Variants in FER1L5 observed in about 807,000 individuals in gnomAD.
The protein encoded by FER1L5 is fer-1 like family member 5, also known as fer-1-like protein 5.
In FER1L5, 187 loss-of-function variants were observed where a neutral mutation model predicts 279.9. The ratio of observed to expected loss-of-function variants is 0.67; its 90% confidence interval spans 0.59 to 0.75. The LOEUF (loss-of-function observed/expected upper bound fraction) is 0.75. Among genes scored for constraint, FER1L5 ranks in the 30% least tolerant of loss-of-function variants. The pLI is 0.00. For missense variants in FER1L5, 2,091 were observed against 2,594.4 expected, an observed-to-expected ratio of 0.81 and a Z score of 4.21; for synonymous variants, 921 against 989.7, an observed-to-expected ratio of 0.93 and a Z score of 1.30.
chr2:96,657,222 G>A (rs968255204), intron 9 of FER1L5, among the ~76,000 whole-genome samples: 10 of 151,662 alleles, frequency 6.6e-5, no homozygotes, highest in Non-Finnish European at 1.0e-4. Context: ...CCACAGGCAC[G>A]TGCCACCATG....
In FER1L5 at chr2:96,695,539, A is replaced by G. The variant is rs61743964; in HGVS notation, c.3772A>G (p.Lys1258Glu). 7 of 1,593,782 alleles carry G rather than the reference A, an allele frequency of 4.4e-6. No homozygotes were observed. The African/African-American group carries it at 5.4e-5, about 12-fold the overall frequency. The change falls in exon 35 of 53, where the codon AAG becomes GAG. Residue 1258 changes from lysine to glutamate, a missense_variant. By Grantham distance (56) the Lys-to-Glu change is moderately conservative (BLOSUM62 1). Transcript: ENST00000624922. ...ILAWGLRNMK[K>E]ASSPQLLVEF... ...GGCCTGGGGCCTTCGGAACATGAAG[A>G]AGGCGAGCTCCCCCCAGCTCCTGGT...
Position 96,698,639 on chromosome 2 carries a change from A to T in FER1L5, c.4357-32A>T. The T allele has an allele frequency of 6.4e-7, 1 of 1,553,300 alleles. No individual in the cohort carries two copies. Among genetic ancestry groups the T allele is most frequent in the Non-Finnish European group, 8.7e-7 (1 of 1,143,962 alleles). On this transcript the variant is annotated intron_variant, in intron 40 of 52. Transcript: ENST00000624922. The surrounding 1 kb of genome is among the most constrained non-coding windows in gnomAD (Gnocchi z 5.5). Reference sequence around the variant, plus strand: ...CTTTACAGAGCTGGCCAGCACTGCCAGGCTGGGCCCCCAACACCCTCCCCC... The same window carrying T: ...CTTTACAGAGCTGGCCAGCACTGCCTGGCTGGGCCCCCAACACCCTCCCCC...
At chr2:96,684,865 G>A (rs899047077) in intron 20 of FER1L5, among the ~76,000 whole-genome samples, 1 of 152,176 alleles carries the variant, frequency 6.6e-6, no homozygotes, top group African/African-American at 2.4e-5. Context: ...GGGGGTAGAA[G>A]GGAATAACCT....
rs1361763731 is a variant in FER1L5 at position 96,691,165 on chromosome 2, A to G, written c.2744-25A>G. ...CCAACCTGCGGGCACCTGAGGACTC[A>G]GAGGCCATGGTCCACCCACCGCAGG... is the stretch of plus-strand genomic sequence containing the variant. On this transcript the variant is annotated intron_variant, in intron 27 of 52. Transcript: ENST00000624922. This position sits in a 1 kb window ranked among gnomAD's most constrained non-coding sequence, Gnocchi z 6.0. The G allele has an allele frequency of 6.5e-7, 1 of 1,532,992 alleles. No homozygotes were observed. The highest frequency in any genetic ancestry group is 1.2e-5 in the South Asian group (1 of 82,320). The allele number at this position is 1,532,992 out of a possible 1,614,324, so 95.0% of individuals were successfully genotyped here. A position where few individuals can be genotyped will look rare whatever the true frequency, so the allele number is the denominator to read the frequency against.
Position 96,689,036 on chromosome 2 carries a change from G to T in FER1L5, c.2362-177G>T, listed in dbSNP as rs907062475. 6.0e-6 allele frequency: 4 copies of T among 669,796 alleles called. No homozygotes were observed. The African/African-American group carries it at 7.4e-5, about 12-fold the overall frequency. 41.5% of individuals were successfully genotyped at this position (669,796 alleles called of 1,614,324 possible). ...TGCCAGCTGAATGATCCAGGGCAGG[G>T]TTGACCTCTGGGCCTCAGTGCCCTC... On this transcript the variant is annotated intron_variant, in intron 24 of 52. Coordinates refer to ENST00000624922, the MANE Select transcript of FER1L5 (RefSeq NM_001293083.2). The surrounding 1 kb of genome is among the most constrained non-coding windows in gnomAD (Gnocchi z 4.6).
At chr2:96,651,220 ACTTT>A (rs749497310) in intron 6 of FER1L5, among the ~76,000 whole-genome samples, 7 of 147,516 alleles carry the variant, frequency 4.7e-5, no homozygotes, top group African/African-American at 1.3e-4. Flanking sequence ...TAGGGCTACA[ACTTT>A]CTTTCTTTCT....
intron 31 of FER1L5, among the ~76,000 whole-genome samples, chr2:96,692,792 C>T (rs764005360): frequency 2.6e-5 from 4 of 152,054 alleles, no homozygotes; most frequent in African/African-American, 7.2e-5. Context: ...TGGCAGGGCT[C>T]CAAGGGAGCT....
chr2:96,656,072 C>T (rs2075586982), intron 9 of FER1L5, among the ~76,000 whole-genome samples: 1 of 152,050 alleles, frequency 6.6e-6, no homozygotes, highest in Non-Finnish European at 1.5e-5. Context: ...CCTCATCACT[C>T]ATCTTCATCA....
At chr2:96,673,578 A>G (rs960357199) in intron 19 of FER1L5, among the ~76,000 whole-genome samples, 22 of 151,864 alleles carry the variant, frequency 1.4e-4, no homozygotes, top group African/African-American at 4.1e-4. Context: ...TCACGCATCC[A>G]TCTATTTTTT....
chr2:96,659,229 T>C (rs571349649), intron 9 of FER1L5, among the ~76,000 whole-genome samples: 116 of 151,614 alleles, frequency 7.7e-4, no homozygotes, highest in African/African-American at 2.7e-3. Flanking sequence ...CACTGTCATT[T>C]TCTTAACAGT....
At chr2:96,659,403 T>TTCCTTTCTTTCTTTCTTTCTTTCTG (rs1558854043) in intron 9 of FER1L5, among the ~76,000 whole-genome samples, 6 of 7,708 alleles carry the variant, frequency 7.8e-4, no homozygotes, top group Non-Finnish European at 1.5e-3. Flanking sequence ...CTTTCTTTCT[T>TTCCTTTCTTTCTTTCTTTCTTTCTG]TCTTTCTTTC....
intron 39 of FER1L5, 49 bp downstream of exon 39, chr2:96,697,810 A>C (rs760614935): frequency 8.2e-6 from 13 of 1,593,276 alleles, no homozygotes; most frequent in Non-Finnish European, 1.0e-5. Context: ...CCACTGGAGG[A>C]GGCCAGCAGA....
In FER1L5 at chr2:96,689,590, C is replaced by T; in HGVS notation, c.2526-54C>T. On this transcript the variant is annotated intron_variant, in intron 25 of 52. Transcript: ENST00000624922. This position sits in a 1 kb window ranked among gnomAD's most constrained non-coding sequence, Gnocchi z 4.6. ...GAACGCTTGGCCAGCAGAAGACGGC[C>T]CTAGGGGCTGCTTGGGGAGTTGTGC... The T allele has an allele frequency of 6.6e-7, 1 of 1,504,274 alleles. No homozygotes were observed. The highest frequency in any genetic ancestry group is 9.0e-7 in the Non-Finnish European group (1 of 1,105,148). 93.2% of individuals were successfully genotyped at this position (1,504,274 alleles called of 1,614,324 possible).
intron 19 of FER1L5, among the ~76,000 whole-genome samples, chr2:96,679,999 C>G (rs1399668473): frequency 1.3e-5 from 2 of 152,102 alleles, no homozygotes; most frequent in Admixed American, 1.3e-4. Flanking sequence ...TTTGCTGGCA[C>G]TTTCTGCAAT....
chr2:96,680,762 C>A (rs1227296098), intron 19 of FER1L5, among the ~76,000 whole-genome samples: 2 of 152,246 alleles, frequency 1.3e-5, no homozygotes, highest in Non-Finnish European at 2.9e-5. Context: ...ACAAAGCAAA[C>A]ATGCCCTTGT....
At position 96,701,946 on chromosome 2, in the gene FER1L5, C is replaced by CG; in HGVS notation, c.5071-7dup. 6.2e-7 allele frequency: 1 copy of CG among 1,613,780 alleles called. No homozygotes were observed. The highest frequency in any genetic ancestry group is 8.5e-7 in the Non-Finnish European group (1 of 1,179,754). On this transcript the variant is annotated splice_polypyrimidine_tract_variant and intron_variant, in intron 45 of 52. Coordinates refer to ENST00000624922, the MANE Select transcript of FER1L5 (RefSeq NM_001293083.2). ...CAACCCCCAACCAGTCAATGTATCC[C>CG]GGCTCTAGGGAAAGGTGCAAATGTG...
At position 96,642,805 on chromosome 2, in the gene FER1L5, T is replaced by C. The variant is rs752679785; in HGVS notation, c.-32T>C. 15 of 1,547,360 alleles carry C rather than the reference T, an allele frequency of 9.7e-6. No individual in the cohort carries two copies. The South Asian group carries it at 1.7e-4, about 17-fold the overall frequency. On this transcript the variant is annotated 5_prime_UTR_variant, in exon 1 of 53. Transcript: ENST00000624922. ...CCAAAAAGGAAGCTGTGGCGCTGCG[T>C]AGGGAAGGAGGGAAGAAAGTAGGTC...
chr2:96,646,654 C>T (rs980415122), intron 2 of FER1L5, among the ~76,000 whole-genome samples: 2 of 152,182 alleles, frequency 1.3e-5, no homozygotes, highest in African/African-American at 4.8e-5. Context: ...CACGACTGTT[C>T]GTGGCCCTTC....
rs542408808 is a variant in FER1L5, at chr2:96,662,316, A to G, written c.1071+49A>G. 3.3e-6 allele frequency: 5 copies of G among 1,532,282 alleles called. No individual in the cohort carries two copies. In the Admixed American group the frequency reaches 7.9e-5, roughly 24 times the overall value. 94.9% of individuals were successfully genotyped at this position (1,532,282 alleles called of 1,614,324 possible). A position where few individuals can be genotyped will look rare whatever the true frequency, so the allele number is the denominator to read the frequency against. ...CCCAGAGAGATTGGCATCTAGAGAAAGTAGTTTGGAGAGGAGGGTGGCCTG... is the reference window on the plus strand; with the variant it reads ...CCCAGAGAGATTGGCATCTAGAGAAGGTAGTTTGGAGAGGAGGGTGGCCTG... On this transcript the variant is annotated intron_variant, in intron 13 of 52. Coordinates refer to ENST00000624922, the MANE Select transcript of FER1L5 (RefSeq NM_001293083.2).
Sources: gnomAD v4.1 joint callset for allele counts (sites outside exome capture counted in the v4.1 genomes callset) on GRCh38, gnomAD v4.1.1 for gene constraint, Gnocchi (gnomAD v3.1) non-coding constraint, MANE v1.5 for transcripts, NCBI Gene and HGNC (gene_info 2026-07-23, HGNC 2026-07-21) for gene names.